Variants in DDX31 observed in about 807,000 individuals in gnomAD.
DDX31 encodes the protein DEAD-box helicase 31.
A neutral mutation model predicts 91.3 loss-of-function variants in DDX31; 70 were observed. The observed-to-expected ratio is 0.77, with a 90% confidence interval of 0.63 to 0.94. The LOEUF (loss-of-function observed/expected upper bound fraction) is 0.94. Among genes scored for constraint, DDX31 ranks in the 40% least tolerant of loss-of-function variants. DDX31 has a pLI of 0.00. For missense variants in DDX31, 902 were observed against 925.0 expected, an observed-to-expected ratio of 0.98 and a Z score of 0.32; for synonymous variants, 362 against 350.6, an observed-to-expected ratio of 1.03 and a Z score of -0.36.
At chr9:132,659,659 T>A (rs1834808021) in intron 5 of DDX31, 51 bp downstream of exon 5, 1 of 1,563,048 alleles carries the variant, frequency 6.4e-7, no homozygotes, top group Non-Finnish European at 8.7e-7. Context: ...ACCTAGTGCA[T>A]GACCATGGGC....
At chr9:132,611,936 G>A in intron 19 of DDX31, 151 bp downstream of exon 19, 1 of 1,119,698 alleles carries the variant, frequency 8.9e-7, no homozygotes, top group Non-Finnish European at 1.2e-6. Context: ...TGCAAGATGA[G>A]GTGGCTTTCT....
rs951918772 is a variant in DDX31, at chr9:132,595,450, A to T, written c.1995-338T>A. Among the ~76,000 whole-genome samples, 1 of 152,182 alleles carries T rather than the reference A, an allele frequency of 6.6e-6. No homozygotes were observed. The highest frequency in any genetic ancestry group is 2.4e-5 in the African/African-American group (1 of 41,454). On this transcript the variant is annotated intron_variant, in intron 19 of 19. Coordinates refer to ENST00000372159, the MANE Select transcript of DDX31 (RefSeq NM_022779.9). This position sits in a 1 kb window ranked among gnomAD's most constrained non-coding sequence, Gnocchi z 4.6. ...CAGCGGTTTGCCAAAGGACAGGGAA[A>T]AACCCACCGTCACACTCAACAACAT...
Position 132,654,252 on chromosome 9 carries a change from TGAGA to T in DDX31, c.589-1764_589-1761del, listed in dbSNP as rs1374849401. ...ACCTGGGGAGAAAATATGCCACACC[TGAGA>T]GAAAGAGCTAATTTCCTTAATTTAT... On this transcript the variant is annotated intron_variant, in intron 6 of 19. Transcript: ENST00000372159. Among the ~76,000 whole-genome samples the T allele has an allele frequency of 2.0e-5, 3 of 152,136 alleles. No individual in the cohort carries two copies. In the East Asian group the frequency reaches 5.8e-4, roughly 29 times the overall value.
intron 17 of DDX31, among the ~76,000 whole-genome samples, chr9:132,622,475 T>C (rs1564294553): frequency 1.3e-5 from 2 of 152,170 alleles, no homozygotes; most frequent in Non-Finnish European, 2.9e-5. Context: ...CTCCGCTCCT[T>C]CTCTGGGGAC....
rs750709275 is a variant in DDX31 at position 132,612,194 on chromosome 9, G to A, written c.1887C>T (p.His629=). 1.4e-5 allele frequency: 22 copies of A among 1,614,096 alleles called. No individual in the cohort carries two copies. Among genetic ancestry groups the A allele is most frequent in the East Asian group, 2.2e-5 (1 of 44,890 alleles). ...TYPRELKHIF[H]VRSLHLGHVA... The stretch of plus-strand genomic sequence containing the variant: ...CATGCCCAAGGTGGAGGGATCGGAC[G>A]TGGAAGATGTGCTTCAGCTCCCTGG... Residue 629 remains histidine (H), a synonymous_variant, in exon 19 of 20, where the codon CAC becomes CAT. Transcript: ENST00000372159.
At chr9:132,616,527 GTTTGA>G (rs911880544) in intron 18 of DDX31, among the ~76,000 whole-genome samples, 7 of 152,190 alleles carry the variant, frequency 4.6e-5, no homozygotes, top group African/African-American at 1.7e-4. Context: ...GACAGTGTGG[GTTTGA>G]TTTATTTCTT....
rs141002758 is a variant in DDX31, at chr9:132,645,991, G to A, written c.1284C>T (p.Thr428=). 1 of 1,614,062 alleles carries A rather than the reference G, an allele frequency of 6.2e-7. No individual in the cohort carries two copies. Among genetic ancestry groups the A allele is most frequent in the Non-Finnish European group, 8.5e-7 (1 of 1,179,994 alleles). The change falls in exon 13 of 20, where the codon ACC becomes ACT. Residue 428 remains threonine, a synonymous_variant. Coordinates refer to ENST00000372159, the MANE Select transcript of DDX31 (RefSeq NM_022779.9). ...CCGGCGCCCCTGAGCTGCTCAGCAG[G>A]GTCTGTAGGAAGAGGCTGTAGTGGA... is the stretch of plus-strand genomic sequence containing the variant. ...VEFHYSLFLQ[T]LLSSSGAPAS...
intron 1 of DDX31, among the ~76,000 whole-genome samples, chr9:132,663,681 A>G (rs1046537426): frequency 5.3e-5 from 8 of 152,186 alleles, no homozygotes; most frequent in Non-Finnish European, 7.3e-5. Context: ...TTGGTTTTAC[A>G]TGTCGGCTTT....
Position 132,618,359 on chromosome 9 carries a change from C to A in DDX31, c.1796G>T (p.Ser599Ile), listed in dbSNP as rs1312956785. ...CTTTGCCCAGGAGACCCTCCTCTCA[C>A]TGGAGTGCACGTAATCTTCAAATAC... ...QTVFEDYVHS[S>I]ERRVSWAKKA... The change falls in exon 18 of 20, where the codon AGT (serine) becomes ATT (isoleucine). Residue 599 changes from serine (S) to isoleucine (I), a missense_variant. By Grantham distance (142) the Ser-to-Ile change is moderately radical. Transcript: ENST00000372159. 8 of 1,610,478 alleles carry A rather than the reference C, an allele frequency of 5.0e-6. No individual in the cohort carries two copies. Among genetic ancestry groups the A allele is most frequent in the South Asian group, 2.2e-5 (2 of 89,942 alleles).
At chr9:132,646,122 C>T (rs371130616) in intron 12 of DDX31, 51 bp from the exon 13 acceptor site, 194 of 1,567,110 alleles carry the variant, frequency 1.2e-4, no homozygotes, top group Middle Eastern at 6.8e-4. Flanking sequence ...GATTAGGTGA[C>T]GCCAAAACGA....
chr9:132,662,606 C>G lies in DDX31; in HGVS notation c.165G>C (p.Lys55Asn), dbSNP rs972530641. 6.8e-6 allele frequency: 11 copies of G among 1,614,068 alleles called. No homozygotes were observed. The highest frequency in any genetic ancestry group is 4.0e-5 in the African/African-American group (3 of 74,910). Reference protein sequence around the residue: ...RRNETSFLPAKKTSVKETQRT... With the variant: ...RRNETSFLPANKTSVKETQRT... ...TCTGAGTTTCTTTAACACTAGTTTT[C>G]TTGGCTGGGAGAAATGAAGTTTCGT... is the stretch of plus-strand genomic sequence containing the variant. The change falls in exon 2 of 20, where the codon AAG (lysine) becomes AAC (asparagine). Residue 55 changes from lysine to asparagine, a missense_variant. Coordinates refer to ENST00000372159, the MANE Select transcript of DDX31 (RefSeq NM_022779.9).
intron 19 of DDX31, among the ~76,000 whole-genome samples, chr9:132,611,826 G>A (rs905685173): frequency 6.6e-6 from 1 of 152,050 alleles, no homozygotes; most frequent in African/African-American, 2.4e-5. Flanking sequence ...CATCTCGGAT[G>A]CTTTCCAGGG....
At chr9:132,616,037 C>A (rs1357000693) in intron 18 of DDX31, among the ~76,000 whole-genome samples, 1 of 152,228 alleles carries the variant, frequency 6.6e-6, no homozygotes, top group Non-Finnish European at 1.5e-5. Context: ...AAAAGAGTGT[C>A]TCCACCTATG....
intron 1 of DDX31, among the ~76,000 whole-genome samples, chr9:132,663,671 T>G (rs1022734996): frequency 8.5e-5 from 13 of 152,228 alleles, no homozygotes; most frequent in African/African-American, 3.1e-4. Flanking sequence ...AAATAATGAC[T>G]TGGTTTTACA....
At position 132,662,516 on chromosome 9, in the gene DDX31, A is replaced by G; in HGVS notation, c.255T>C (p.Asp85=). ...SPKKHSVSTS[D]RNQEERQCIK... ...TGCACTGTCTCTCCTCCTGGTTTCTATCACTTGTGCTAACCGAATGCTTCT... is the reference window on the plus strand; with the variant it reads ...TGCACTGTCTCTCCTCCTGGTTTCTGTCACTTGTGCTAACCGAATGCTTCT... The change falls in exon 2 of 20, where the codon GAT becomes GAC. Residue 85 remains aspartate, a synonymous_variant. Transcript: ENST00000372159. 1 of 1,614,220 alleles carries G rather than the reference A, an allele frequency of 6.2e-7. No homozygotes were observed. Among genetic ancestry groups the G allele is most frequent in the Non-Finnish European group, 8.5e-7 (1 of 1,180,040 alleles).
In DDX31 at chr9:132,642,554, C is replaced by T. The variant is rs1203682593; in HGVS notation, c.1381-491G>A. ...TAGAGGAAGAAAATATAATACCACT[C>T]AAGGCAAACCCCCACTACCACCAGG... On this transcript the variant is annotated intron_variant, in intron 13 of 19. Transcript: ENST00000372159. Among the ~76,000 whole-genome samples the T allele has an allele frequency of 2.6e-5, 4 of 151,798 alleles. No individual in the cohort carries two copies. In the East Asian group the frequency reaches 7.7e-4, roughly 29 times the overall value.
intron 14 of DDX31, among the ~76,000 whole-genome samples, chr9:132,633,878 G>C (rs1174706170): frequency 6.6e-6 from 1 of 152,132 alleles, no homozygotes; most frequent in Admixed American, 6.6e-5. Context: ...AATAAAACCT[G>C]AAACCTAGAA....
intron 14 of DDX31, 149 bp from the exon 15 acceptor site, chr9:132,632,240 G>GCA: frequency 1.8e-5 from 1 of 55,876 alleles, no homozygotes; most frequent in Admixed American, 3.8e-4. Context: ...CCCAGTACGT[G>GCA]TACACACACA....
intron 18 of DDX31, among the ~76,000 whole-genome samples, chr9:132,612,988 C>T (rs553657395): frequency 1.3e-5 from 2 of 152,330 alleles, no homozygotes; most frequent in African/African-American, 4.8e-5. Context: ...TCATACCTCA[C>T]TGTAGCCTCA....
Sources: allele counts gnomAD v4.1 joint callset (sites outside exome capture counted in the v4.1 genomes callset), GRCh38; gene constraint gnomAD v4.1.1; non-coding constraint Gnocchi (gnomAD v3.1); transcripts MANE v1.5; gene names NCBI Gene and HGNC (gene_info 2026-07-23, HGNC 2026-07-21).